Variants in MARCHF1 observed in about 807,000 individuals in gnomAD.
MARCHF1 encodes the protein E3 ubiquitin-protein ligase MARCHF1.
MARCHF1 carries 40 observed loss-of-function variants against 54.2 expected under a neutral mutation model. The observed-to-expected ratio is 0.74, with a 90% confidence interval of 0.57 to 0.96. MARCHF1 has a LOEUF of 0.96. MARCHF1 is among the 40% of genes least tolerant of loss of function. MARCHF1 has a pLI of 0.00. For missense variants in MARCHF1, 586 were observed against 656.5 expected (o/e 0.89, Z 1.17); for synonymous variants, 236 against 236.3 (o/e 1.00, Z 0.01).
chr4:163,569,147 C>T (rs992027267), intron 8 of MARCHF1, among the ~76,000 whole-genome samples: 2 of 152,080 alleles, frequency 1.3e-5, no homozygotes, highest in South Asian at 2.1e-4. Context: ...TCTGTGTACA[C>T]GGTCTTTTGG....
chr4:163,861,200 G>A (rs12646717), intron 3 of MARCHF1, among the ~76,000 whole-genome samples: 59,691 of 151,926 alleles, frequency 0.39, 12,692 homozygotes, highest in East Asian at 0.55. Context: ...CAGTAGTCTG[G>A]AAGTGCCCAA....
chr4:164,207,619 A>G (rs1232277603), intron 1 of MARCHF1, among the ~76,000 whole-genome samples: 1 of 152,160 alleles, frequency 6.6e-6, no homozygotes, highest in Non-Finnish European at 1.5e-5. Flanking sequence ...GCCTAGAGCT[A>G]GCAGATGAAG....
In MARCHF1 at chr4:163,986,115, T is replaced by G. The variant is rs113019200; in HGVS notation, c.-39+2386A>C. Among the ~76,000 whole-genome samples, 406 of 152,096 alleles carry G rather than the reference T, an allele frequency of 2.7e-3. 3 individuals are homozygous for G. Among genetic ancestry groups the G allele is most frequent in the African/African-American group, 9.4e-3 (392 of 41,532 alleles). ...ATACTTTTAAAATAAAACTTTTAAC[T>G]ACATCCTATAGAAAACCAAGAAGCA... On this transcript the variant is annotated intron_variant, in intron 3 of 9. Coordinates refer to ENST00000514618, the MANE Select transcript of MARCHF1 (RefSeq NM_001394959.1).
At chr4:163,814,393 C>T (rs942045969) in intron 4 of MARCHF1, among the ~76,000 whole-genome samples, 2 of 152,060 alleles carry the variant, frequency 1.3e-5, no homozygotes, top group Non-Finnish European at 2.9e-5. Context: ...TGCCCCAACA[C>T]ATGGTGAAAC....
intron 3 of MARCHF1, among the ~76,000 whole-genome samples, chr4:163,885,317 A>G (rs571249230): frequency 2.0e-5 from 3 of 152,278 alleles, no homozygotes; most frequent in African/African-American, 7.2e-5. Context: ...TTAAGATTTA[A>G]TGTAGTTTAA....
intron 1 of MARCHF1, among the ~76,000 whole-genome samples, chr4:164,151,625 C>T (rs1729942746): frequency 6.6e-6 from 1 of 152,266 alleles, no homozygotes; most frequent in African/African-American, 2.4e-5. Flanking sequence ...ATCATCTTCC[C>T]CAAGGGCTCA....
At chr4:163,783,355 C>T (rs1415354696) in intron 4 of MARCHF1, among the ~76,000 whole-genome samples, 1 of 152,186 alleles carries the variant, frequency 6.6e-6, no homozygotes, top group Non-Finnish European at 1.5e-5. Context: ...ATGTATTTAA[C>T]ATAAGTCATT....
At chr4:164,217,860 G>A (rs552274161) in intron 1 of MARCHF1, among the ~76,000 whole-genome samples, 75 of 152,140 alleles carry the variant, frequency 4.9e-4, no homozygotes, top group African/African-American at 1.7e-3. Context: ...AATTGCCCTC[G>A]CCCTGAGTGT....
chr4:163,734,155 A>C (rs983456287), intron 4 of MARCHF1, among the ~76,000 whole-genome samples: 4 of 152,190 alleles, frequency 2.6e-5, no homozygotes, highest in African/African-American at 9.7e-5. Context: ...ACAAGCAAAG[A>C]AACAAAAAGA....
At chr4:163,706,621 A>G (rs4691100) in intron 4 of MARCHF1, among the ~76,000 whole-genome samples, 55,613 of 151,818 alleles carry the variant, frequency 0.37, 11,548 homozygotes, top group Non-Finnish European at 0.48. Flanking sequence ...ATAAAGTACC[A>G]TACTTTGATG....
At chr4:163,724,278 T>C (rs1355729966) in intron 4 of MARCHF1, among the ~76,000 whole-genome samples, 3 of 152,200 alleles carry the variant, frequency 2.0e-5, no homozygotes, top group African/African-American at 7.2e-5. Flanking sequence ...GGAGGTCCAC[T>C]CTAGACCCTG....
chr4:163,777,574 G>T (rs2110891195), intron 4 of MARCHF1, among the ~76,000 whole-genome samples: 1 of 152,220 alleles, frequency 6.6e-6, no homozygotes, highest in African/African-American at 2.4e-5. Flanking sequence ...GTTGGGACCA[G>T]CAGATAGACT....
intron 1 of MARCHF1, chr4:164,196,855 C>G (rs1731275638): frequency 1.1e-6 from 1 of 942,164 alleles, no homozygotes; most frequent in Non-Finnish European, 1.6e-6. Context: ...CGTCTCATTC[C>G]CACAGCAATG....
Position 164,021,714 on chromosome 4 carries a change from G to A in MARCHF1, c.-247-33005C>T, listed in dbSNP as rs529037505. Among the ~76,000 whole-genome samples the A allele has an allele frequency of 3.2e-3, 491 of 151,892 alleles. 3 individuals are homozygous for A. The highest frequency in any genetic ancestry group is 0.011 in the African/African-American group (470 of 41,418). On this transcript the variant is annotated intron_variant, in intron 2 of 9. Transcript: ENST00000514618. ...TACTAAAAATACAAAAAATTTAGCC[G>A]GGCTTAGTGGCGGATGCCTGCAATC...
chr4:163,833,576 T>C (rs562150456), intron 4 of MARCHF1, among the ~76,000 whole-genome samples: 1 of 152,260 alleles, frequency 6.6e-6, no homozygotes, highest in African/African-American at 2.4e-5. Flanking sequence ...CAGACACTTC[T>C]CAAAAGAAGA....
chr4:164,158,791 C>A (rs1375564965), intron 1 of MARCHF1, among the ~76,000 whole-genome samples: 1 of 152,116 alleles, frequency 6.6e-6, no homozygotes, highest in Non-Finnish European at 1.5e-5. Context: ...CATTTCTTTC[C>A]AACTATGCTC....
chr4:163,649,027 T>C (rs1560997246), intron 5 of MARCHF1, among the ~76,000 whole-genome samples: 1 of 152,076 alleles, frequency 6.6e-6, no homozygotes, highest in South Asian at 2.1e-4. Flanking sequence ...GAAAGCAAAC[T>C]ACTATTTAAT....
At chr4:164,061,553 G>T (rs1754615963) in intron 2 of MARCHF1, among the ~76,000 whole-genome samples, 2 of 90,058 alleles carry the variant, frequency 2.2e-5, no homozygotes, top group Non-Finnish European at 4.2e-5. Context: ...AGGGGGGAGG[G>T]ATAGCATTAG....
intron 3 of MARCHF1, among the ~76,000 whole-genome samples, chr4:163,951,297 ACT>A (rs1238997742): frequency 6.6e-6 from 1 of 152,116 alleles, no homozygotes; most frequent in Non-Finnish European, 1.5e-5. Flanking sequence ...CTTGTCCTTA[ACT>A]CTCATCTATG....
Sources: allele counts gnomAD v4.1 joint callset (sites outside exome capture counted in the v4.1 genomes callset), GRCh38; gene constraint gnomAD v4.1.1; transcripts MANE v1.5; gene names NCBI Gene and HGNC (gene_info 2026-07-23, HGNC 2026-07-21).